Variants in ZFYVE9 observed in about 807,000 individuals in gnomAD.
ZFYVE9 encodes the protein zinc finger FYVE-type containing 9, also known as zinc finger FYVE domain-containing protein 9.
ZFYVE9 carries 43 observed loss-of-function variants against 126.7 expected under a neutral mutation model. That is an observed-to-expected ratio of 0.34 (90% CI 0.27 to 0.44). ZFYVE9 has a LOEUF of 0.44. Among genes scored for constraint, ZFYVE9 ranks in the 20% least tolerant of loss-of-function variants. The pLI, the probability that ZFYVE9 is intolerant of heterozygous loss-of-function variation, is 1.00. For missense variants in ZFYVE9, 1,476 were observed against 1,697.0 expected, an observed-to-expected ratio of 0.87 and a Z score of 2.29; for synonymous variants, 521 against 597.4, an observed-to-expected ratio of 0.87 and a Z score of 1.87.
intron 1 of ZFYVE9, among the ~76,000 whole-genome samples, chr1:52,159,984 G>A (rs1413151327): frequency 6.6e-6 from 1 of 150,448 alleles, no homozygotes; most frequent in Admixed American, 6.6e-5. Context: ...TTTTAGTAGA[G>A]TCGGGGTTTC....
intron 8 of ZFYVE9, 152 bp downstream of exon 8, chr1:52,274,736 ATTATT>A (rs1285230112): frequency 1.2e-6 from 1 of 827,346 alleles, no homozygotes; most frequent in African/African-American, 1.7e-5. Context: ...TGTTGCTGTT[ATTATT>A]TTAGAGTAGA....
At chr1:52,147,745 G>A (rs1644317892) in intron 1 of ZFYVE9, among the ~76,000 whole-genome samples, 1 of 152,178 alleles carries the variant, frequency 6.6e-6, no homozygotes, top group Non-Finnish European at 1.5e-5. Flanking sequence ...GAATTGCTGG[G>A]CCAAATGGTA....
chr1:52,195,893 A>G (rs1028496269), intron 1 of ZFYVE9, among the ~76,000 whole-genome samples: 2 of 151,946 alleles, frequency 1.3e-5, no homozygotes, highest in South Asian at 2.1e-4. Flanking sequence ...CATGGGTTCA[A>G]GCAATTCTCC....
Position 52,160,744 on chromosome 1 carries a change from C to T in ZFYVE9, c.-143+18341C>T, listed in dbSNP as rs1572063818. On this transcript the variant is annotated intron_variant, in intron 1 of 18. Coordinates refer to ENST00000287727, the MANE Select transcript of ZFYVE9 (RefSeq NM_004799.4). ...GACATTTTTCTAAGTTGCTTTGATTCTTTATGAATAAAAACCTTTTAGACA... is the reference window on the plus strand; with the variant it reads ...GACATTTTTCTAAGTTGCTTTGATTTTTTATGAATAAAAACCTTTTAGACA... The T allele has an allele frequency of 2.6e-5, 10 of 392,096 alleles. 1 individual carries two copies. The East Asian group carries it at 3.9e-4, about 15-fold the overall frequency. 24.3% of individuals were successfully genotyped at this position (392,096 alleles called of 1,614,324 possible).
intron 7 of ZFYVE9, among the ~76,000 whole-genome samples, chr1:52,273,482 C>T: frequency 6.6e-6 from 1 of 152,114 alleles, no homozygotes; most frequent in Non-Finnish European, 1.5e-5. Flanking sequence ...ACATGTTTTG[C>T]AACCTTATAC....
intron 15 of ZFYVE9, chr1:52,335,062 C>G: frequency 4.5e-6 from 1 of 223,812 alleles, no homozygotes; most frequent in Non-Finnish European, 8.9e-6. Flanking sequence ...ATATTAATAT[C>G]TAAATGTGTA....
intron 6 of ZFYVE9, among the ~76,000 whole-genome samples, chr1:52,267,728 TC>T (rs1645647612): frequency 6.6e-6 from 1 of 152,198 alleles, no homozygotes; most frequent in South Asian, 2.1e-4. Flanking sequence ...TTTATTCTCT[TC>T]ATTTGTTGTT....
intron 10 of ZFYVE9, among the ~76,000 whole-genome samples, chr1:52,282,784 A>G (rs1032282583): frequency 7.9e-5 from 12 of 152,346 alleles, no homozygotes; most frequent in African/African-American, 2.9e-4. Flanking sequence ...ATAGGTGGAA[A>G]GTTTAACTGT....
intron 1 of ZFYVE9, among the ~76,000 whole-genome samples, chr1:52,208,551 G>C (rs889995600): frequency 1.3e-4 from 19 of 150,992 alleles, no homozygotes; most frequent in Admixed American, 7.3e-4. Context: ...GCCCAGGCTG[G>C]AGTGCAATGG....
rs1046066732 is a variant in ZFYVE9, at chr1:52,252,909, A to G, written c.2179-10864A>G. The G allele has an allele frequency of 1.8e-5, 3 of 163,592 alleles. 1 individual carries two copies. In the Admixed American group the frequency reaches 1.9e-4, roughly 10 times the overall value. 10.1% of individuals were successfully genotyped at this position (163,592 alleles called of 1,614,324 possible). On this transcript the variant is annotated intron_variant, in intron 4 of 18. Transcript: ENST00000287727. ...ATACACTGGATTATAATTTTTTTAA[A>G]CAAGAGGATTATTTGAAAAACAGTC...
rs769431761 is a variant in ZFYVE9 at position 52,303,816 on chromosome 1, C to T, written c.3334-5C>T. 1 of 1,559,064 alleles carries T rather than the reference C, an allele frequency of 6.4e-7. No individual in the cohort carries two copies. The highest frequency in any genetic ancestry group is 8.7e-7 in the Non-Finnish European group (1 of 1,152,254). ...TTTATTCTGCTTCAATCTGCTTTGGCCCAGGACTTCAGAAATTACCAGTAT... is the reference window on the plus strand; with the variant it reads ...TTTATTCTGCTTCAATCTGCTTTGGTCCAGGACTTCAGAAATTACCAGTAT... On this transcript the variant is annotated splice_polypyrimidine_tract_variant and splice_region_variant and intron_variant, in intron 12 of 18. Transcript: ENST00000287727.
At chr1:52,166,912 A>G (rs184657818) in intron 1 of ZFYVE9, among the ~76,000 whole-genome samples, 19 of 152,318 alleles carry the variant, frequency 1.2e-4, no homozygotes, top group Non-Finnish European at 2.1e-4. Flanking sequence ...AAAAAGTTTT[A>G]AGGCTTACAT....
chr1:52,332,205 T>G (rs969298408), intron 13 of ZFYVE9, among the ~76,000 whole-genome samples: 2 of 152,162 alleles, frequency 1.3e-5, no homozygotes, highest in African/African-American at 4.8e-5. Context: ...GAATTTTTTT[T>G]TTTTTGGATT....
intron 4 of ZFYVE9, among the ~76,000 whole-genome samples, chr1:52,242,013 T>C (rs1490576469): frequency 2.6e-5 from 4 of 151,854 alleles, no homozygotes; most frequent in Non-Finnish European, 5.9e-5. Context: ...AAATTGGAAT[T>C]TATGATGTCA....
rs575594410 is a variant in ZFYVE9 at position 52,202,606 on chromosome 1, G to A, written c.-142-13763G>A. ...CAGGTCTTATTTATTGATGCATTCC[G>A]ACAGTCTGTGTCTTTTCATTGGTGC... On this transcript the variant is annotated intron_variant, in intron 1 of 18. Transcript: ENST00000287727. Among the ~76,000 whole-genome samples the A allele has an allele frequency of 5.3e-5, 8 of 151,792 alleles. No individual in the cohort carries two copies. In the South Asian group the frequency reaches 1.0e-3, roughly 20 times the overall value.
At chr1:52,191,471 G>A (rs1218043395) in intron 1 of ZFYVE9, among the ~76,000 whole-genome samples, 3 of 152,124 alleles carry the variant, frequency 2.0e-5, no homozygotes, top group Admixed American at 2.0e-4. Context: ...CTTGTCTGGT[G>A]GAGTCCTTTT....
At chr1:52,234,184 C>T (rs1206202662) in intron 3 of ZFYVE9, among the ~76,000 whole-genome samples, 1 of 152,130 alleles carries the variant, frequency 6.6e-6, no homozygotes, top group Non-Finnish European at 1.5e-5. Context: ...CCGTTCTTCC[C>T]CTGTGTTCTC....
intron 1 of ZFYVE9, among the ~76,000 whole-genome samples, chr1:52,161,829 A>G (rs567883833): frequency 6.6e-6 from 1 of 152,208 alleles, no homozygotes; most frequent in African/African-American, 2.4e-5. Context: ...AGAAAGTTTA[A>G]AAAGGAGTTC....
chr1:52,342,107 CGG>C (rs895403000), intron 17 of ZFYVE9, among the ~76,000 whole-genome samples: 3 of 152,118 alleles, frequency 2.0e-5, no homozygotes, highest in African/African-American at 7.2e-5. Flanking sequence ...GACTCCCACT[CGG>C]TCATTTCATG....
Sources: gnomAD v4.1 joint callset for allele counts (sites outside exome capture counted in the v4.1 genomes callset) on GRCh38, gnomAD v4.1.1 for gene constraint, MANE v1.5 for transcripts, NCBI Gene and HGNC (gene_info 2026-07-23, HGNC 2026-07-21) for gene names.